VPS13B: variants seen among roughly 807,000 people sequenced by gnomAD.
The protein encoded by VPS13B is vacuolar protein sorting 13 homolog B, also known as intermembrane lipid transfer protein VPS13B.
In VPS13B, 285 loss-of-function variants were observed where a neutral mutation model predicts 426.4. The ratio of observed to expected loss-of-function variants is 0.67; its 90% confidence interval spans 0.61 to 0.74. The LOEUF (loss-of-function observed/expected upper bound fraction) is 0.74, where lower values mean the gene tolerates loss of function less well. Among genes scored for constraint, VPS13B ranks in the 30% least tolerant of loss-of-function variants. VPS13B has a pLI of 0.00. For synonymous variants in VPS13B, 1,676 were observed against 1,676.4 expected, an observed-to-expected ratio of 1.00 and a Z score of 0.01; for missense variants, 4,537 against 4,782.6, an observed-to-expected ratio of 0.95 and a Z score of 1.51.
chr8:99,652,738 A>C (rs1309291936), intron 34 of VPS13B, among the ~76,000 whole-genome samples: 4 of 152,144 alleles, frequency 2.6e-5, no homozygotes, highest in Non-Finnish European at 5.9e-5. Context: ...GTTTTTGTTA[A>C]TATCCCTGGA....
chr8:99,135,046 G>A lies in VPS13B; in HGVS notation c.1334G>A (p.Cys445Tyr). ...ALMMGEPFFD[C>Y]QIGFVGCRAM... ...ATGATGGGAGAACCTTTCTTTGATT[G>A]CCAGATTGGGTTTGTTGGTTGCAGA... The change falls in exon 10 of 62, where the codon TGC becomes TAC. Residue 445 changes from cysteine (C) to tyrosine (Y), a missense_variant. Cys to Tyr is a radical substitution (Grantham distance 194, BLOSUM62 -2). Coordinates refer to ENST00000357162, the MANE Select transcript of VPS13B (RefSeq NM_152564.5). 1 of 1,613,504 alleles carries A rather than the reference G, an allele frequency of 6.2e-7. No individual in the cohort carries two copies. Among genetic ancestry groups the A allele is most frequent in the Non-Finnish European group, 8.5e-7 (1 of 1,179,582 alleles).
At chr8:99,684,039 T>A (rs1235911956) in intron 35 of VPS13B, among the ~76,000 whole-genome samples, 1 of 152,238 alleles carries the variant, frequency 6.6e-6, no homozygotes, top group Non-Finnish European at 1.5e-5. Flanking sequence ...TTATTATAAA[T>A]GGATATTGAA....
chr8:99,029,420 G>A (rs1156883065), intron 2 of VPS13B, among the ~76,000 whole-genome samples: 2 of 152,064 alleles, frequency 1.3e-5, no homozygotes, highest in East Asian at 3.9e-4. Flanking sequence ...GGAGGCCAAG[G>A]CAGGCGGCTG....
intron 36 of VPS13B, among the ~76,000 whole-genome samples, chr8:99,702,389 C>T (rs1306734686): frequency 6.6e-6 from 1 of 152,090 alleles, no homozygotes; most frequent in Admixed American, 6.6e-5. Flanking sequence ...GAATTATTTG[C>T]TGAACCAAAT....
At chr8:99,426,018 G>A (rs1201427833) in intron 21 of VPS13B, among the ~76,000 whole-genome samples, 1 of 149,376 alleles carries the variant, frequency 6.7e-6, no homozygotes, top group Non-Finnish European at 1.5e-5. Context: ...CCACTAACTC[G>A]TCATCTAGCA....
intron 16 of VPS13B, among the ~76,000 whole-genome samples, chr8:99,173,552 A>G (rs537489736): frequency 6.6e-6 from 1 of 152,286 alleles, no homozygotes; most frequent in South Asian, 2.1e-4. Flanking sequence ...CTGGAGATAG[A>G]TCTTCCTTCC....
chr8:99,502,901 A>T lies in VPS13B; in HGVS notation c.4108A>T (p.Lys1370Ter). Residue 1370 changes from lysine to a stop codon, truncating the protein, a stop_gained, in exon 27 of 62, where the codon AAA (lysine) becomes TAA (stop). Transcript: ENST00000357162. LOFTEE classifies it high-confidence loss of function. ...ASIDVQDVYT[K>*]VKCKIESFNI... ...CATAGATGTCCAGGATGTATATACC[A>T]AAGTGAAATGTAAAATAGAGAGTTT... The T allele has an allele frequency of 1.2e-6, 2 of 1,613,440 alleles. No individual in the cohort carries two copies. The highest frequency in any genetic ancestry group is 8.5e-7 in the Non-Finnish European group (1 of 1,179,602).
chr8:99,029,229 G>A (rs1271637869), intron 2 of VPS13B, among the ~76,000 whole-genome samples: 1 of 150,656 alleles, frequency 6.6e-6, no homozygotes, highest in Non-Finnish European at 1.5e-5. Context: ...TGGCGGCGGG[G>A]AAGAGGCGCT....
intron 29 of VPS13B, among the ~76,000 whole-genome samples, chr8:99,515,666 A>T (rs1208593794): frequency 6.6e-6 from 1 of 151,982 alleles, no homozygotes. Context: ...ACAACTTTTT[A>T]GTGGTGTTTT....
intron 33 of VPS13B, among the ~76,000 whole-genome samples, chr8:99,640,078 AAAGAAAAGAAAAGAAAAG>A (rs1563839043): frequency 6.7e-6 from 1 of 148,984 alleles, no homozygotes; most frequent in Non-Finnish European, 1.5e-5. Flanking sequence ...AAAGAAAAGA[AAAGAAAAGAAAAGAAAAG>A]AAAAGAAAAG....
intron 24 of VPS13B, among the ~76,000 whole-genome samples, chr8:99,469,168 C>CTTTT (rs35646881): frequency 1.6e-5 from 2 of 127,786 alleles, no homozygotes; most frequent in African/African-American, 2.9e-5. Context: ...TCTTTCTTTC[C>CTTTT]TTTTTTTTTT....
chr8:99,391,454 A>C, intron 20 of VPS13B, 103 bp from the exon 21 acceptor site: 3 of 1,574,248 alleles, frequency 1.9e-6, no homozygotes, highest in East Asian at 4.5e-5. Flanking sequence ...CTCAGCCCCA[A>C]CTTGTGAAGG....
intron 23 of VPS13B, among the ~76,000 whole-genome samples, chr8:99,444,389 G>A (rs758603778): frequency 6.6e-6 from 1 of 152,154 alleles, no homozygotes; most frequent in East Asian, 1.9e-4. Flanking sequence ...GAGCCACTGC[G>A]CCTGGCCAAA....
At chr8:99,810,249 A>C (rs1383334942) in intron 44 of VPS13B, among the ~76,000 whole-genome samples, 2 of 152,250 alleles carry the variant, frequency 1.3e-5, no homozygotes, top group African/African-American at 2.4e-5. Context: ...AAAAGAAGGA[A>C]GTATTAAAAT....
rs1432079296 is a variant in VPS13B at position 99,038,424 on chromosome 8, A to C, written c.149A>C (p.Glu50Ala). 17 of 1,603,750 alleles carry C rather than the reference A, an allele frequency of 1.1e-5. No homozygotes were observed. The highest frequency in any genetic ancestry group is 1.4e-5 in the Non-Finnish European group (16 of 1,174,010). ...TTATGTAATGTTTTGTGTTTTAAGG[A>C]ACTGAAATTACCATTCACTTTTTTA... Reference protein sequence around the residue: ...LELKLDVLEQELKLPFTFLSG... With the variant: ...LELKLDVLEQALKLPFTFLSG... Residue 50 changes from glutamate to alanine, a missense_variant and splice_region_variant, in exon 3 of 62, where the codon GAA (glutamate) becomes GCA (alanine). By Grantham distance (107) the Glu-to-Ala change is moderately radical. Coordinates refer to ENST00000357162, the MANE Select transcript of VPS13B (RefSeq NM_152564.5).
intron 19 of VPS13B, among the ~76,000 whole-genome samples, chr8:99,375,020 T>A (rs1332444711): frequency 1.3e-5 from 2 of 152,186 alleles, no homozygotes; most frequent in South Asian, 2.1e-4. Flanking sequence ...CAGACTTTAT[T>A]CGTATCTATG....
At chr8:99,597,470 T>A (rs926123167) in intron 33 of VPS13B, among the ~76,000 whole-genome samples, 9 of 151,992 alleles carry the variant, frequency 5.9e-5, no homozygotes, top group African/African-American at 2.2e-4. Context: ...ATAAGCAAAC[T>A]TGAGAGACAA....
chr8:99,029,262 C>T (rs1252717667), intron 2 of VPS13B, among the ~76,000 whole-genome samples: 1 of 149,900 alleles, frequency 6.7e-6, no homozygotes, highest in East Asian at 2.0e-4. Context: ...GATGGGATGG[C>T]GGCCGGGCAG....
chr8:99,135,465 C>T (rs1442021603), intron 10 of VPS13B, 131 bp from the exon 11 acceptor site: 1 of 1,226,542 alleles, frequency 8.2e-7, no homozygotes, highest in East Asian at 2.5e-5. Flanking sequence ...GGTGGAGCAG[C>T]AGCATTCCTT....
Sources: allele counts gnomAD v4.1 joint callset (sites outside exome capture counted in the v4.1 genomes callset), GRCh38; gene constraint gnomAD v4.1.1; transcripts MANE v1.5; gene names NCBI Gene and HGNC (gene_info 2026-07-23, HGNC 2026-07-21).